The following MGAT4A variants were observed in gnomAD, a reference collection of about 807,000 sequenced individuals.
MGAT4A encodes the protein N-acetylglucosaminyltransferase IVa.
A neutral mutation model predicts 74.1 loss-of-function variants in MGAT4A; 33 were observed. The ratio of observed to expected loss-of-function variants is 0.45; its 90% confidence interval spans 0.34 to 0.60. The LOEUF is 0.60. Ranked by LOEUF, MGAT4A falls within the 20% of genes least tolerant of loss-of-function variation. MGAT4A has a pLI of 0.02. For synonymous variants in MGAT4A, 198 were observed against 210.4 expected (o/e 0.94, Z 0.51); for missense variants, 479 against 628.3 (o/e 0.76, Z 2.54).
At position 98,667,157 on chromosome 2, in the gene MGAT4A, A is replaced by G. The variant is rs372223477; in HGVS notation, c.404-3978T>C. 7.6e-4 allele frequency among the ~76,000 whole-genome samples: 116 copies of G among 152,308 alleles called. 2 individuals carry two copies. In the South Asian group the frequency reaches 0.023, roughly 30 times the overall value. On this transcript the variant is annotated intron_variant, in intron 4 of 15. Coordinates refer to ENST00000393487, the MANE Select transcript of MGAT4A (RefSeq NM_012214.3). ...TTGCTCCTCCTTGCCTTCTGCCATG[A>G]TTGTGAGGCCTCCCTAGCCACATGG...
chr2:98,625,059 A>T lies in MGAT4A; in HGVS notation c.*507T>A, dbSNP rs1701123989. ...AGCAAGGAAACTGGTTTTCAAAAAAAGTATCGATTCAAAAATCTACTGCAC... is the reference window on the plus strand; with the variant it reads ...AGCAAGGAAACTGGTTTTCAAAAAATGTATCGATTCAAAAATCTACTGCAC... On this transcript the variant is annotated 3_prime_UTR_variant, in exon 16 of 16. Transcript: ENST00000393487. 7 of 980,138 alleles carry T rather than the reference A, an allele frequency of 7.1e-6. No homozygotes were observed. The highest frequency in any genetic ancestry group is 1.8e-5 in the African/African-American group (1 of 57,080). 60.7% of individuals were successfully genotyped at this position (980,138 alleles called of 1,614,324 possible).
At position 98,622,034 on chromosome 2, in the gene MGAT4A, G is replaced by C; in HGVS notation, c.*3532C>G. The C allele has an allele frequency of 1.0e-6, 1 of 986,082 alleles. No individual in the cohort carries two copies. The highest frequency in any genetic ancestry group is 1.2e-6 in the Non-Finnish European group (1 of 830,432). The allele number at this position is 986,082 out of a possible 1,614,324, so 61.1% of individuals were successfully genotyped here. A position where few individuals can be genotyped will look rare whatever the true frequency, so the allele number is the denominator to read the frequency against. On this transcript the variant is annotated 3_prime_UTR_variant, in exon 16 of 16. Transcript: ENST00000393487. Reference sequence around the variant, plus strand: ...TCACACTGTCTGTTCTGACTACACAGTATGGTACAGCGCGTGATGTGGAGA... The same window carrying C: ...TCACACTGTCTGTTCTGACTACACACTATGGTACAGCGCGTGATGTGGAGA...
intron 4 of MGAT4A, among the ~76,000 whole-genome samples, chr2:98,666,097 G>A (rs995230943): frequency 1.3e-5 from 2 of 152,170 alleles, no homozygotes; most frequent in African/African-American, 4.8e-5. Flanking sequence ...TTGGAAGAGT[G>A]GTTAGGAAGT....
intron 14 of MGAT4A, among the ~76,000 whole-genome samples, chr2:98,632,914 C>G (rs1467975682): frequency 6.6e-6 from 1 of 152,192 alleles, no homozygotes; most frequent in African/African-American, 2.4e-5. Flanking sequence ...CATGCACCAC[C>G]ACACCTGGCT....
chr2:98,663,130 G>GT lies in MGAT4A; in HGVS notation c.452dup (p.Tyr151Ter), dbSNP rs1164886653. Residue 151 changes from tyrosine (Y) to a stop codon, truncating the protein, a stop_gained and frameshift_variant, in exon 5 of 16, where the codon TAC (tyrosine) becomes TAAC (stop). Transcript: ENST00000393487. LOFTEE classifies it high-confidence loss of function. ...IPTVKREVKSYLIETLHSLID... is the reference protein window; with the variant it reads ...IPTVKREVKS ...TAAGGGAATGAAGAGTTTCTATGAG[G>GT]TAAGATTTAACTTCTCTCTTCACTG... The GT allele has an allele frequency of 6.2e-6, 10 of 1,603,576 alleles. No homozygotes were observed. The highest frequency in any genetic ancestry group is 8.5e-6 in the Non-Finnish European group (10 of 1,173,148).
At chr2:98,687,847 T>C (rs959824735) in intron 2 of MGAT4A, among the ~76,000 whole-genome samples, 1 of 152,190 alleles carries the variant, frequency 6.6e-6, no homozygotes, top group Middle Eastern at 3.2e-3. Context: ...ACTCCCACTT[T>C]AACTGTGGGA....
At position 98,622,577 on chromosome 2, in the gene MGAT4A, T is replaced by C; in HGVS notation, c.*2989A>G. 2 of 985,448 alleles carry C rather than the reference T, an allele frequency of 2.0e-6. No homozygotes were observed. Among genetic ancestry groups the C allele is most frequent in the Non-Finnish European group, 2.4e-6 (2 of 829,950 alleles). 61.0% of individuals were successfully genotyped at this position (985,448 alleles called of 1,614,324 possible). Reference sequence around the variant, plus strand: ...CTCCCTTAATCTTCTGCCCTCACACTGCTCTTAAGGGCGACCACTACAATT... The same window carrying C: ...CTCCCTTAATCTTCTGCCCTCACACCGCTCTTAAGGGCGACCACTACAATT... On this transcript the variant is annotated 3_prime_UTR_variant, in exon 16 of 16. Transcript: ENST00000393487.
chr2:98,716,906 A>G (rs147829865), intron 2 of MGAT4A, among the ~76,000 whole-genome samples: 1,792 of 152,276 alleles, frequency 0.012, 17 homozygotes, highest in Middle Eastern at 0.031. Context: ...ATAATGACCA[A>G]AAAAAACCAG....
rs559087824 is a variant in MGAT4A at position 98,619,571 on chromosome 2, T to C, written c.*5995A>G. Reference sequence around the variant, plus strand: ...ATTTCTAAATCTTTCTTAGAAAACATTACTGCCTACACTGAAATGAAAAGT... The same window carrying C: ...ATTTCTAAATCTTTCTTAGAAAACACTACTGCCTACACTGAAATGAAAAGT... On this transcript the variant is annotated 3_prime_UTR_variant, in exon 16 of 16. Coordinates refer to ENST00000393487, the MANE Select transcript of MGAT4A (RefSeq NM_012214.3). 1 of 152,310 alleles carries C rather than the reference T, an allele frequency of 6.6e-6. No homozygotes were observed. The highest frequency in any genetic ancestry group is 2.1e-4 in the South Asian group (1 of 4,826). 9.4% of individuals were successfully genotyped at this position (152,310 alleles called of 1,614,324 possible).
chr2:98,631,659 G>A (rs1575240534), intron 14 of MGAT4A, among the ~76,000 whole-genome samples: 1 of 152,172 alleles, frequency 6.6e-6, no homozygotes, highest in Non-Finnish European at 1.5e-5. Context: ...TAGGCAGCCC[G>A]ACTCCAGGGG....
At chr2:98,705,966 A>G (rs572816390) in intron 2 of MGAT4A, among the ~76,000 whole-genome samples, 7 of 151,604 alleles carry the variant, frequency 4.6e-5, no homozygotes, top group African/African-American at 1.2e-4. Context: ...AAAAAAAAAA[A>G]AAAAAGAAAA....
chr2:98,666,857 T>C (rs1701838681), intron 4 of MGAT4A, among the ~76,000 whole-genome samples: 1 of 152,214 alleles, frequency 6.6e-6, no homozygotes, highest in African/African-American at 2.4e-5. Context: ...TCTCTATCCC[T>C]ACCATACTCT....
chr2:98,693,651 T>G, intron 2 of MGAT4A, among the ~76,000 whole-genome samples: 1 of 146,014 alleles, frequency 6.8e-6, no homozygotes, highest in Admixed American at 7.0e-5. Flanking sequence ...AAGGCTGTAG[T>G]GAGCTGTGAC....
chr2:98,622,006 CA>C lies in MGAT4A; in HGVS notation c.*3559del. On this transcript the variant is annotated 3_prime_UTR_variant, in exon 16 of 16. Transcript: ENST00000393487. ...TGTGTTAACTTTTTCCAAAGCTTTT[CA>C]ATCACACTGTCTGTTCTGACTACAC... 1 of 987,556 alleles carries C rather than the reference CA, an allele frequency of 1.0e-6. No individual in the cohort carries two copies. The highest frequency in any genetic ancestry group is 1.2e-6 in the Non-Finnish European group (1 of 831,430). 61.2% of individuals were successfully genotyped at this position (987,556 alleles called of 1,614,324 possible).
chr2:98,729,363 G>A (rs139506238), intron 1 of MGAT4A, among the ~76,000 whole-genome samples: 1 of 152,210 alleles, frequency 6.6e-6, no homozygotes, highest in Admixed American at 6.5e-5. Context: ...GAAACTCTTC[G>A]GACAAGAGTA....
intron 2 of MGAT4A, among the ~76,000 whole-genome samples, chr2:98,687,052 A>G (rs914400221): frequency 3.9e-5 from 6 of 152,184 alleles, no homozygotes; most frequent in Admixed American, 1.3e-4. Context: ...AACCACAAGG[A>G]GCTTGGAGTA....
At chr2:98,665,328 C>G (rs1701807921) in intron 4 of MGAT4A, among the ~76,000 whole-genome samples, 1 of 52,638 alleles carries the variant, frequency 1.9e-5, no homozygotes, top group Non-Finnish European at 3.3e-5. Context: ...GACTCCATCT[C>G]ATCTCAAAAA....
At chr2:98,627,192 T>G (rs1701156418) in intron 14 of MGAT4A, among the ~76,000 whole-genome samples, 1 of 152,174 alleles carries the variant, frequency 6.6e-6, no homozygotes, top group African/African-American at 2.4e-5. Context: ...AGATCTTGCT[T>G]CCTGTTTTAA....
intron 2 of MGAT4A, among the ~76,000 whole-genome samples, chr2:98,692,546 A>T: frequency 6.6e-6 from 1 of 152,090 alleles, no homozygotes; most frequent in Middle Eastern, 3.2e-3. Context: ...TCACTCACTG[A>T]CTCATCCAGA....
Sources: gnomAD v4.1 joint callset for allele counts (sites outside exome capture counted in the v4.1 genomes callset) on GRCh38, gnomAD v4.1.1 for gene constraint, MANE v1.5 for transcripts, NCBI Gene and HGNC (gene_info 2026-07-23, HGNC 2026-07-21) for gene names.